The following CA10 variants were observed in gnomAD, a reference collection of about 807,000 sequenced individuals.
The protein encoded by CA10 is carbonic anhydrase-related protein 10.
A neutral mutation model predicts 44.2 loss-of-function variants in CA10; 14 were observed. That is an observed-to-expected ratio of 0.32 (90% confidence interval 0.21 to 0.50). The LOEUF (loss-of-function observed/expected upper bound fraction) is 0.50. CA10 is among the 20% of genes least tolerant of loss of function. CA10 has a pLI of 0.99. For synonymous variants in CA10, 159 were observed against 141.6 expected (o/e 1.12, Z -0.87); for missense variants, 350 against 409.7 (o/e 0.85, Z 1.26).
intron 1 of CA10, among the ~76,000 whole-genome samples, chr17:52,092,291 C>T (rs982483257): frequency 4.6e-5 from 7 of 152,090 alleles, no homozygotes; most frequent in African/African-American, 1.7e-4. Context: ...CACTATGTTA[C>T]TTTATATACA....
intron 3 of CA10, among the ~76,000 whole-genome samples, chr17:51,768,167 T>A (rs1598035352): frequency 1.4e-5 from 1 of 71,076 alleles, no homozygotes; most frequent in African/African-American, 6.1e-5. Flanking sequence ...AAAGATGTGC[T>A]TTTTTTTTTT....
intron 4 of CA10, among the ~76,000 whole-genome samples, chr17:51,668,091 C>A (rs528263370): frequency 6.6e-6 from 1 of 152,320 alleles, no homozygotes; most frequent in South Asian, 2.1e-4. Context: ...CCTCTGGGGC[C>A]TCTGTCTTTT....
At chr17:51,977,322 T>C (rs1048817984) in intron 2 of CA10, among the ~76,000 whole-genome samples, 1 of 151,666 alleles carries the variant, frequency 6.6e-6, no homozygotes, top group African/African-American at 2.4e-5. Flanking sequence ...AATAACACAT[T>C]TTTTTAAAAA....
At chr17:51,635,166 A>G (rs1005612031) in intron 7 of CA10, among the ~76,000 whole-genome samples, 2 of 152,186 alleles carry the variant, frequency 1.3e-5, no homozygotes, top group African/African-American at 4.8e-5. Context: ...TGCCTTTATA[A>G]AAAGGGGAAA....
intron 2 of CA10, among the ~76,000 whole-genome samples, chr17:52,057,994 CCT>C (rs1423945211): frequency 6.6e-6 from 1 of 152,028 alleles, no homozygotes; most frequent in Non-Finnish European, 1.5e-5. Flanking sequence ...AAGCCATGAA[CCT>C]CTGAGAAGGA....
intron 3 of CA10, among the ~76,000 whole-genome samples, chr17:51,926,129 A>T (rs2143983029): frequency 6.6e-6 from 1 of 152,280 alleles, no homozygotes; most frequent in South Asian, 2.1e-4. Context: ...CAAACACAGG[A>T]CCCATATGAA....
intron 4 of CA10, among the ~76,000 whole-genome samples, chr17:51,678,683 T>G (rs1487744072): frequency 6.6e-6 from 1 of 152,148 alleles, no homozygotes; most frequent in African/African-American, 2.4e-5. Flanking sequence ...GACAGGGCCA[T>G]AGGAATGGTG....
intron 4 of CA10, among the ~76,000 whole-genome samples, chr17:51,675,021 C>T (rs2143364999): frequency 6.6e-6 from 1 of 152,342 alleles, no homozygotes; most frequent in South Asian, 2.1e-4. Flanking sequence ...TCATCTTCAG[C>T]ACACAGCCTG....
In CA10 at chr17:52,094,398, G is replaced by A. The variant is rs147452024; in HGVS notation, c.62-22005C>T. On this transcript the variant is annotated intron_variant, in intron 1 of 8. Coordinates refer to ENST00000451037, the MANE Select transcript of CA10 (RefSeq NM_020178.5). ...CTAGAAGAATACATAGGAATGTATC[G>A]TCAGGAAACTGGAGTAAGCAAAGGC... 1.0e-3 allele frequency among the ~76,000 whole-genome samples: 157 copies of A among 151,846 alleles called. 2 individuals carry two copies. The South Asian group carries it at 0.015, about 15-fold the overall frequency.
At chr17:51,812,191 G>A (rs760908829) in intron 3 of CA10, among the ~76,000 whole-genome samples, 9 of 152,170 alleles carry the variant, frequency 5.9e-5, no homozygotes, top group Non-Finnish European at 1.2e-4. Flanking sequence ...TGCAAGCCAA[G>A]TATTAAACCT....
At chr17:52,146,457 G>A (rs1321185561) in intron 1 of CA10, among the ~76,000 whole-genome samples, 5 of 151,992 alleles carry the variant, frequency 3.3e-5, no homozygotes, top group African/African-American at 7.2e-5. Context: ...TTGGGAGGCT[G>A]AGGCGGGCGG....
At chr17:51,804,676 G>A (rs1466970662) in intron 3 of CA10, among the ~76,000 whole-genome samples, 2 of 152,172 alleles carry the variant, frequency 1.3e-5, no homozygotes, top group Non-Finnish European at 2.9e-5. Context: ...TGCTTTTCCA[G>A]GAGAAATAAA....
intron 2 of CA10, among the ~76,000 whole-genome samples, chr17:51,934,769 G>T (rs531200445): frequency 1.5e-3 from 233 of 152,202 alleles, no homozygotes; most frequent in African/African-American, 5.3e-3. Context: ...AGGTTTTAGT[G>T]CAGATAAAAA....
chr17:52,052,927 G>C (rs1256589277), intron 2 of CA10, among the ~76,000 whole-genome samples: 1 of 151,996 alleles, frequency 6.6e-6, no homozygotes, highest in East Asian at 1.9e-4. Flanking sequence ...GAGTATGTGT[G>C]TGTGTGAGAG....
At chr17:51,816,679 G>A (rs1012495261) in intron 3 of CA10, among the ~76,000 whole-genome samples, 2 of 152,134 alleles carry the variant, frequency 1.3e-5, no homozygotes, top group African/African-American at 4.8e-5. Flanking sequence ...TCACTACTTT[G>A]TAATTATAGC....
At chr17:51,788,743 C>A (rs1172621395) in intron 3 of CA10, among the ~76,000 whole-genome samples, 3 of 152,164 alleles carry the variant, frequency 2.0e-5, no homozygotes, top group Non-Finnish European at 2.9e-5. Flanking sequence ...GCAAAAGCAG[C>A]AGCTTTGGAA....
At chr17:51,967,844 TA>T (rs978965440) in intron 2 of CA10, among the ~76,000 whole-genome samples, 31 of 150,252 alleles carry the variant, frequency 2.1e-4, no homozygotes, top group African/African-American at 6.8e-4. Context: ...GTTGAAATTA[TA>T]AAAAAAAAGA....
intron 5 of CA10, among the ~76,000 whole-genome samples, chr17:51,649,639 G>T (rs906730616): frequency 6.6e-6 from 1 of 152,188 alleles, no homozygotes; most frequent in African/African-American, 2.4e-5. Context: ...ATTTCATACA[G>T]AAAATCTTTA....
intron 3 of CA10, among the ~76,000 whole-genome samples, chr17:51,830,068 A>G (rs1908175944): frequency 6.6e-6 from 1 of 151,864 alleles, no homozygotes; most frequent in Non-Finnish European, 1.5e-5. Flanking sequence ...GTGTTGGCGC[A>G]TGCCTGTCAT....
Sources: allele counts gnomAD v4.1 joint callset (sites outside exome capture counted in the v4.1 genomes callset), GRCh38; gene constraint gnomAD v4.1.1; transcripts MANE v1.5; gene names NCBI Gene and HGNC (gene_info 2026-07-23, HGNC 2026-07-21).